The following SLC8A3 variants were observed in gnomAD, a reference collection of about 807,000 sequenced individuals.
SLC8A3 encodes the protein sodium/calcium exchanger 3.
In SLC8A3, 37 loss-of-function variants were observed where a neutral mutation model predicts 65.4. The ratio of observed to expected loss-of-function variants is 0.57; its 90% CI spans 0.44 to 0.74. The LOEUF is 0.74. Ranked by LOEUF, SLC8A3 falls within the 30% of genes least tolerant of loss-of-function variation. The pLI is 0.00. For missense variants in SLC8A3, 1,112 were observed against 1,172.1 expected (o/e 0.95, Z 0.75); for synonymous variants, 461 against 444.5 (o/e 1.04, Z -0.47).
intron 1 of SLC8A3, among the ~76,000 whole-genome samples, chr14:70,175,821 G>T (rs1361259914): frequency 2.8e-5 from 4 of 143,548 alleles, no homozygotes; most frequent in African/African-American, 1.0e-4. Context: ...CGCAACCTCC[G>T]CCTCCCAGGA....
At position 70,181,959 on chromosome 14, in the gene SLC8A3, A is replaced by C. The variant is rs578139368; in HGVS notation, c.-63+6420T>G. 2.0e-5 allele frequency among the ~76,000 whole-genome samples: 3 copies of C among 152,358 alleles called. No homozygotes were observed. In the South Asian group the frequency reaches 6.2e-4, roughly 32 times the overall value. On this transcript the variant is annotated intron_variant, in intron 1 of 6. Transcript: ENST00000356921. ...TTAAATGGGAAAATCAACGTAAAGC[A>C]CTTTGCAACAGAGTAGCTGACAGAT...
intron 2 of SLC8A3, among the ~76,000 whole-genome samples, chr14:70,143,138 T>C (rs975132180): frequency 1.7e-4 from 26 of 152,160 alleles, no homozygotes; most frequent in African/African-American, 6.3e-4. Flanking sequence ...GCTCACAGAT[T>C]TTTTGACTTG....
chr14:70,055,084 T>A (rs1002485991), intron 3 of SLC8A3, among the ~76,000 whole-genome samples: 1 of 152,114 alleles, frequency 6.6e-6, no homozygotes, highest in Non-Finnish European at 1.5e-5. Flanking sequence ...GCAAGCATAC[T>A]CTCAAAGTAG....
intron 1 of SLC8A3, among the ~76,000 whole-genome samples, chr14:70,185,006 G>T (rs1323659751): frequency 7.5e-6 from 1 of 133,178 alleles, no homozygotes; most frequent in Admixed American, 8.7e-5. Context: ...TTGCTCTGTC[G>T]CCCAAGCTGG....
chr14:70,179,730 C>T (rs1379632093), intron 1 of SLC8A3, among the ~76,000 whole-genome samples: 3 of 152,226 alleles, frequency 2.0e-5, no homozygotes, highest in African/African-American at 7.2e-5. Flanking sequence ...TAATGATAAT[C>T]AGCATTTATA....
chr14:70,058,024 T>C (rs1888361202), intron 3 of SLC8A3, among the ~76,000 whole-genome samples: 1 of 152,234 alleles, frequency 6.6e-6, no homozygotes, highest in Non-Finnish European at 1.5e-5. Flanking sequence ...CAACTGTGTT[T>C]CCTATTCAGT....
intron 1 of SLC8A3, among the ~76,000 whole-genome samples, chr14:70,177,988 T>C (rs1326341485): frequency 6.6e-6 from 1 of 152,152 alleles, no homozygotes; most frequent in East Asian, 1.9e-4. Context: ...GGGGAAGGCA[T>C]GGATTTCAGA....
At position 70,059,119 on chromosome 14, in the gene SLC8A3, G is replaced by A. The variant is rs1487805863; in HGVS notation, c.1888+1717C>T. 8 of 152,450 alleles carry A rather than the reference G, an allele frequency of 5.2e-5. No homozygotes were observed. In the South Asian group the frequency reaches 1.0e-3, roughly 20 times the overall value. 9.4% of individuals were successfully genotyped at this position (152,450 alleles called of 1,614,324 possible). A position where few individuals can be genotyped will look rare whatever the true frequency, so the allele number is the denominator to read the frequency against. Reference sequence around the variant, plus strand: ...GGGCAACGTTTTATTGAGTGGTGACGAAGAGAACCAGCAGTGAAGAAGGAG... The same window carrying A: ...GGGCAACGTTTTATTGAGTGGTGACAAAGAGAACCAGCAGTGAAGAAGGAG... On this transcript the variant is annotated intron_variant, in intron 3 of 6. Transcript: ENST00000356921.
At chr14:70,164,865 G>T (rs10483823) in intron 2 of SLC8A3, among the ~76,000 whole-genome samples, 5,430 of 152,196 alleles carry the variant, frequency 0.036, 321 homozygotes, top group African/African-American at 0.12. Context: ...TCCTTCATTT[G>T]TATGTATAAA....
Position 70,167,751 on chromosome 14 carries a change from G to T in SLC8A3, c.672C>A (p.Phe224Leu). The change falls in exon 2 of 7, where the codon TTC becomes TTA. Residue 224 changes from phenylalanine (F) to leucine (L), a missense_variant. Phe to Leu is a conservative substitution (Grantham distance 22). Transcript: ENST00000356921. ...CCCAAACCTGGACCACACCAGGGGA[G>T]AAGACTGCCAGAATCATATAGAGCC... ...YIWLYMILAV[F>L]SPGVVQVWEG... is the part of the protein sequence containing the mutation. 2 of 1,614,216 alleles carry T rather than the reference G, an allele frequency of 1.2e-6. No individual in the cohort carries two copies. Among genetic ancestry groups the T allele is most frequent in the South Asian group, 2.2e-5 (2 of 91,088 alleles).
intron 3 of SLC8A3, among the ~76,000 whole-genome samples, chr14:70,055,345 C>A (rs1284496525): frequency 6.6e-6 from 1 of 152,160 alleles, no homozygotes; most frequent in Non-Finnish European, 1.5e-5. Flanking sequence ...ATTTCCTATT[C>A]TCACAACAGG....
chr14:70,120,164 G>C (rs1251883312), intron 2 of SLC8A3, among the ~76,000 whole-genome samples: 2 of 152,212 alleles, frequency 1.3e-5, no homozygotes, highest in Non-Finnish European at 2.9e-5. Flanking sequence ...ATAACTGCCT[G>C]ACCAGGACAT....
At chr14:70,084,551 A>G (rs1190264908) in intron 2 of SLC8A3, among the ~76,000 whole-genome samples, 1 of 152,238 alleles carries the variant, frequency 6.6e-6, no homozygotes, top group Non-Finnish European at 1.5e-5. Flanking sequence ...GACCAGACAG[A>G]ACACTTAGCA....
chr14:70,092,723 G>A (rs1891889412), intron 2 of SLC8A3, among the ~76,000 whole-genome samples: 1 of 152,126 alleles, frequency 6.6e-6, no homozygotes, highest in Non-Finnish European at 1.5e-5. Context: ...CCCAGTGGAG[G>A]GAACCAGTTT....
chr14:70,169,073 C>T (rs554254045), intron 1 of SLC8A3, among the ~76,000 whole-genome samples: 34 of 152,278 alleles, frequency 2.2e-4, no homozygotes, highest in African/African-American at 7.2e-4. Flanking sequence ...TATTCTCAAT[C>T]GATTTTGAAA....
intron 2 of SLC8A3, among the ~76,000 whole-genome samples, chr14:70,155,515 T>A (rs1467697386): frequency 6.6e-6 from 1 of 152,238 alleles, no homozygotes; most frequent in Non-Finnish European, 1.5e-5. Context: ...CTTAAAACTC[T>A]GTGTTCGCGG....
At chr14:70,052,473 G>A (rs939703844) in intron 3 of SLC8A3, among the ~76,000 whole-genome samples, 7 of 152,184 alleles carry the variant, frequency 4.6e-5, no homozygotes, top group African/African-American at 1.7e-4. Context: ...TTGAACTTTT[G>A]GGCCTGTTTG....
intron 2 of SLC8A3, among the ~76,000 whole-genome samples, chr14:70,102,860 G>A (rs1242570409): frequency 1.3e-5 from 2 of 151,990 alleles, no homozygotes; most frequent in African/African-American, 4.8e-5. Context: ...GTTCCAAAGA[G>A]AGTAGAAAGA....
chr14:70,046,260 A>C lies in SLC8A3; in HGVS notation c.2453T>G (p.Val818Gly). 6.2e-7 allele frequency: 1 copy of C among 1,614,198 alleles called. No individual in the cohort carries two copies. Among genetic ancestry groups the C allele is most frequent in the South Asian group, 1.1e-5 (1 of 91,078 alleles). Residue 818 changes from valine to glycine, a missense_variant, in exon 7 of 7, where the codon GTG (valine) becomes GGG (glycine). By Grantham distance (109) the Val-to-Gly change is moderately radical. Transcript: ENST00000356921. The surrounding 1 kb of genome is among the most constrained non-coding windows in gnomAD (Gnocchi z 4.2). ...DVYADASIGN[V>G]TGSNAVNVFL... Reference sequence around the variant, plus strand: ...GACATTGACGGCGTTGCTGCCCGTCACGTTGCCAATGGAGGCGTCTGCATA... The same window carrying C: ...GACATTGACGGCGTTGCTGCCCGTCCCGTTGCCAATGGAGGCGTCTGCATA...
Sources: allele counts gnomAD v4.1 joint callset (sites outside exome capture counted in the v4.1 genomes callset), GRCh38; gene constraint gnomAD v4.1.1; non-coding constraint Gnocchi (gnomAD v3.1); transcripts MANE v1.5; gene names NCBI Gene and HGNC (gene_info 2026-07-23, HGNC 2026-07-21).